Variants in PPP1R9A observed in about 807,000 individuals in gnomAD.
PPP1R9A encodes protein phosphatase 1 regulatory subunit 9A.
A neutral mutation model predicts 141.9 loss-of-function variants in PPP1R9A; 59 were observed. That is an observed-to-expected ratio of 0.42 (90% confidence interval 0.34 to 0.52). PPP1R9A has a LOEUF of 0.52. Ranked by LOEUF, PPP1R9A falls within the 20% of genes least tolerant of loss-of-function variation. PPP1R9A has a pLI of 0.10. For missense variants in PPP1R9A, 1,444 were observed against 1,611.9 expected, an observed-to-expected ratio of 0.90 and a Z score of 1.78; for synonymous variants, 500 against 569.7, an observed-to-expected ratio of 0.88 and a Z score of 1.74.
At chr7:94,980,801 T>C (rs575080427) in intron 2 of PPP1R9A, among the ~76,000 whole-genome samples, 12 of 152,242 alleles carry the variant, frequency 7.9e-5, no homozygotes, top group South Asian at 6.2e-4. Context: ...GATAAAAATA[T>C]TGAATATTAC....
At position 95,089,721 on chromosome 7, in the gene PPP1R9A, G is replaced by GTT. The variant is rs368117090; in HGVS notation, c.1396-21528_1396-21527dup. Among the ~76,000 whole-genome samples the GTT allele has an allele frequency of 2.8e-3, 407 of 147,260 alleles. 3 individuals are homozygous for GTT. Among genetic ancestry groups the GTT allele is most frequent in the African/African-American group, 4.9e-3 (194 of 39,918 alleles). The stretch of plus-strand genomic sequence containing the variant: ...CTGCAACTGTATATTTTAGAAGCTC[G>GTT]TTTTTTTTTTTCTGAATTAAACTAA... On this transcript the variant is annotated intron_variant, in intron 2 of 19. Transcript: ENST00000433360.
chr7:94,919,126 A>G (rs2150690117), intron 2 of PPP1R9A, among the ~76,000 whole-genome samples: 1 of 152,086 alleles, frequency 6.6e-6, no homozygotes, highest in Admixed American at 6.6e-5. Flanking sequence ...GATTCAGCAT[A>G]GGGTTTCTTT....
At chr7:94,980,853 A>G (rs1283933355) in intron 2 of PPP1R9A, among the ~76,000 whole-genome samples, 1 of 152,158 alleles carries the variant, frequency 6.6e-6, no homozygotes, top group African/African-American at 2.4e-5. Flanking sequence ...CTACCATCAG[A>G]TAATTTTAAA....
intron 2 of PPP1R9A, among the ~76,000 whole-genome samples, chr7:95,099,869 A>G (rs1196472059): frequency 4.6e-5 from 7 of 152,180 alleles, no homozygotes; most frequent in African/African-American, 1.7e-4. Flanking sequence ...AATAAATGGT[A>G]CCAATTATGA....
At chr7:95,091,536 G>A (rs1339802921) in intron 2 of PPP1R9A, among the ~76,000 whole-genome samples, 7 of 151,456 alleles carry the variant, frequency 4.6e-5, no homozygotes, top group Admixed American at 4.6e-4. Context: ...TAGAGATGGG[G>A]TTTTGCTATG....
At chr7:95,055,909 G>A (rs1438548970) in intron 2 of PPP1R9A, among the ~76,000 whole-genome samples, 2 of 152,034 alleles carry the variant, frequency 1.3e-5, no homozygotes, top group East Asian at 1.9e-4. Flanking sequence ...AACCTACCAT[G>A]TGCCAGAATA....
At chr7:95,184,104 A>G (rs1049883157) in intron 5 of PPP1R9A, among the ~76,000 whole-genome samples, 5 of 152,306 alleles carry the variant, frequency 3.3e-5, no homozygotes, top group Admixed American at 1.3e-4. Context: ...TTAACTCTTA[A>G]CTACTGTCAG....
chr7:95,060,925 A>G (rs1283266864), intron 2 of PPP1R9A, among the ~76,000 whole-genome samples: 2 of 152,218 alleles, frequency 1.3e-5, no homozygotes, highest in African/African-American at 4.8e-5. Flanking sequence ...TATAACTCAC[A>G]CTATGAATGT....
chr7:95,173,712 A>G (rs2152759736), intron 5 of PPP1R9A, among the ~76,000 whole-genome samples: 1 of 152,160 alleles, frequency 6.6e-6, no homozygotes, highest in Middle Eastern at 3.4e-3. Flanking sequence ...ATTAAAATGT[A>G]CAAATCACTT....
chr7:95,252,782 T>G (rs2153010677), intron 12 of PPP1R9A, among the ~76,000 whole-genome samples: 1 of 152,262 alleles, frequency 6.6e-6, no homozygotes, highest in African/African-American at 2.4e-5. Context: ...TTTAGAATGT[T>G]TAAGTCACTA....
At chr7:94,968,603 G>A (rs1464072219) in intron 2 of PPP1R9A, among the ~76,000 whole-genome samples, 3 of 151,958 alleles carry the variant, frequency 2.0e-5, no homozygotes, top group Non-Finnish European at 4.4e-5. Context: ...ACATAAGATC[G>A]GTCTCCTGAA....
chr7:95,283,886 C>T (rs1284280981), intron 16 of PPP1R9A, 132 bp from the exon 17 acceptor site: 1 of 775,296 alleles, frequency 1.3e-6, no homozygotes, highest in Non-Finnish European at 2.0e-6. Flanking sequence ...GTCAAAAGTG[C>T]AAACTTTTTA....
At chr7:95,137,051 C>T (rs918684054) in intron 4 of PPP1R9A, among the ~76,000 whole-genome samples, 2 of 151,330 alleles carry the variant, frequency 1.3e-5, no homozygotes, top group African/African-American at 4.9e-5. Context: ...GACTTATGGG[C>T]AAAGTTTCAT....
intron 8 of PPP1R9A, among the ~76,000 whole-genome samples, chr7:95,246,097 G>T (rs1257842585): frequency 6.6e-6 from 1 of 152,172 alleles, no homozygotes; most frequent in Non-Finnish European, 1.5e-5. Context: ...GTTCTGGGCA[G>T]TTAGCCACAG....
intron 4 of PPP1R9A, among the ~76,000 whole-genome samples, chr7:95,150,874 A>C (rs947035096): frequency 6.6e-6 from 1 of 152,260 alleles, no homozygotes; most frequent in African/African-American, 2.4e-5. Context: ...ACGTTTCACC[A>C]AAGAAGATAT....
chr7:95,271,189 G>C (rs2153050776), intron 14 of PPP1R9A, among the ~76,000 whole-genome samples: 1 of 152,330 alleles, frequency 6.6e-6, no homozygotes, highest in South Asian at 2.1e-4. Flanking sequence ...ACAAAAGTGA[G>C]CCAGTAGGTT....
intron 2 of PPP1R9A, among the ~76,000 whole-genome samples, chr7:95,071,279 G>A (rs1031093961): frequency 6.6e-6 from 1 of 151,946 alleles, no homozygotes; most frequent in Non-Finnish European, 1.5e-5. Flanking sequence ...CATCCTCTTT[G>A]TTGTGAATTA....
At chr7:95,067,619 A>C (rs1813133803) in intron 2 of PPP1R9A, among the ~76,000 whole-genome samples, 1 of 152,220 alleles carries the variant, frequency 6.6e-6, no homozygotes, top group African/African-American at 2.4e-5. Flanking sequence ...TAACACAGTC[A>C]TCCCTCAGTG....
intron 2 of PPP1R9A, among the ~76,000 whole-genome samples, chr7:95,084,970 G>C (rs886238666): frequency 6.6e-6 from 1 of 151,944 alleles, no homozygotes; most frequent in Admixed American, 6.6e-5. Flanking sequence ...GTTCGTATAT[G>C]TATCTTTACC....
Sources: gnomAD v4.1 joint callset for allele counts (sites outside exome capture counted in the v4.1 genomes callset) on GRCh38, gnomAD v4.1.1 for gene constraint, MANE v1.5 for transcripts, NCBI Gene and HGNC (gene_info 2026-07-23, HGNC 2026-07-21) for gene names.